Variants in INPP5A observed in about 807,000 individuals in gnomAD.
INPP5A encodes the protein inositol polyphosphate-5-phosphatase A, also known as 43 kDa inositol polyphosphate 5-phophatase.
INPP5A carries 14 observed loss-of-function variants against 65.2 expected under a neutral mutation model. That is an observed-to-expected ratio of 0.21 (90% CI 0.14 to 0.34). The LOEUF is 0.34. Ranked by LOEUF, INPP5A falls within the 10% of genes least tolerant of loss-of-function variation. The pLI, the probability that INPP5A is intolerant of heterozygous loss-of-function variation, is 1.00. For missense variants in INPP5A, 431 were observed against 545.6 expected, an observed-to-expected ratio of 0.79 and a Z score of 2.09; for synonymous variants, 207 against 208.3, an observed-to-expected ratio of 0.99 and a Z score of 0.05.
At chr10:132,594,130 G>T (rs2071653196) in intron 1 of INPP5A, among the ~76,000 whole-genome samples, 1 of 152,142 alleles carries the variant, frequency 6.6e-6, no homozygotes. Context: ...TTGCACATAC[G>T]CTGTCTTCAT....
chr10:132,753,613 C>G lies in INPP5A; in HGVS notation c.903+3768C>G, dbSNP rs1846536574. Among the ~76,000 whole-genome samples the G allele has an allele frequency of 6.6e-6, 1 of 152,106 alleles. No homozygotes were observed. The highest frequency in any genetic ancestry group is 2.4e-5 in the African/African-American group (1 of 41,436). ...TGTCAGGGCTGCAGGATGGAGTGCC[C>G]TGGTGAGGATTTGGAGAGATTAAAT... On this transcript the variant is annotated intron_variant, in intron 11 of 15. Coordinates refer to ENST00000368594, the MANE Select transcript of INPP5A (RefSeq NM_005539.5). The surrounding 1 kb of genome is among the most constrained non-coding windows in gnomAD (Gnocchi z 5.3).
chr10:132,598,112 A>C (rs1370246960), intron 1 of INPP5A, among the ~76,000 whole-genome samples: 2 of 152,200 alleles, frequency 1.3e-5, no homozygotes, highest in Non-Finnish European at 2.9e-5. Flanking sequence ...TAGGGTCAGA[A>C]CTTTCTCTTT....
intron 1 of INPP5A, among the ~76,000 whole-genome samples, chr10:132,552,091 T>G (rs2071059276): frequency 6.6e-6 from 1 of 152,170 alleles, no homozygotes; most frequent in South Asian, 2.1e-4. Context: ...AGAGCCTTGG[T>G]GAAGTTGGAG....
At position 132,616,621 on chromosome 10, in the gene INPP5A, T is replaced by C. The variant is rs1255403730; in HGVS notation, c.117+8665T>C. The stretch of plus-strand genomic sequence containing the variant: ...GGATGTGGTTTTGGGGTTGCAGTGG[T>C]GACATGGGACATGGTAGTGACATGG... On this transcript the variant is annotated intron_variant, in intron 2 of 15. Coordinates refer to ENST00000368594, the MANE Select transcript of INPP5A (RefSeq NM_005539.5). The surrounding 1 kb of genome is among the most constrained non-coding windows in gnomAD (Gnocchi z 4.9). Among the ~76,000 whole-genome samples, 1 of 151,606 alleles carries C rather than the reference T, an allele frequency of 6.6e-6. No individual in the cohort carries two copies. The highest frequency in any genetic ancestry group is 6.6e-5 in the Admixed American group (1 of 15,234).
At chr10:132,664,940 G>T (rs1230239060) in intron 4 of INPP5A, among the ~76,000 whole-genome samples, 1 of 152,208 alleles carries the variant, frequency 6.6e-6, no homozygotes, top group Non-Finnish European at 1.5e-5. Flanking sequence ...ATGTAGGCTT[G>T]TTGGGGTGGC....
chr10:132,634,587 G>A (rs2072317138), intron 2 of INPP5A, among the ~76,000 whole-genome samples: 2 of 152,260 alleles, frequency 1.3e-5, no homozygotes, highest in Admixed American at 1.3e-4. Context: ...TGAGTGCCAA[G>A]GGAGGGCGCT....
chr10:132,565,771 G>A (rs1044627650), intron 1 of INPP5A, among the ~76,000 whole-genome samples: 5 of 151,674 alleles, frequency 3.3e-5, no homozygotes, highest in Admixed American at 2.0e-4. Context: ...CCGTGCATGT[G>A]TGTATGTGAA....
chr10:132,667,455 T>C (rs960406849), intron 4 of INPP5A, among the ~76,000 whole-genome samples: 1 of 152,196 alleles, frequency 6.6e-6, no homozygotes, highest in Non-Finnish European at 1.5e-5. Flanking sequence ...ATTTATCAAA[T>C]TGCGTTATCC....
At chr10:132,634,078 G>C (rs2072307044) in intron 2 of INPP5A, among the ~76,000 whole-genome samples, 1 of 152,252 alleles carries the variant, frequency 6.6e-6, no homozygotes, top group African/African-American at 2.4e-5. Context: ...AAGATGATCA[G>C]TAATTCCAAC....
In INPP5A at chr10:132,753,506, T is replaced by C. The variant is rs952245378; in HGVS notation, c.903+3661T>C. On this transcript the variant is annotated intron_variant, in intron 11 of 15. Coordinates refer to ENST00000368594, the MANE Select transcript of INPP5A (RefSeq NM_005539.5). The surrounding 1 kb of genome is among the most constrained non-coding windows in gnomAD (Gnocchi z 5.3). ...GCCGGGACATGATTGAATGTGTCCA[T>C]GCCTATTGACTTTTTCTATGATTTA... is the stretch of plus-strand genomic sequence containing the variant. 6.6e-6 allele frequency among the ~76,000 whole-genome samples: 1 copy of C among 152,218 alleles called. No homozygotes were observed. The highest frequency in any genetic ancestry group is 2.4e-5 in the African/African-American group (1 of 41,454).
chr10:132,545,651 T>C lies in INPP5A; in HGVS notation c.75+7480T>C, dbSNP rs2133245753. On this transcript the variant is annotated intron_variant, in intron 1 of 15. Coordinates refer to ENST00000368594, the MANE Select transcript of INPP5A (RefSeq NM_005539.5). This position sits in a 1 kb window ranked among gnomAD's most constrained non-coding sequence, Gnocchi z 4.6. ...TGTTCCCATGCGGACCTGAAAGTGC[T>C]GTCAAGTTCCCCCTTCCTTTGCTCG... is the stretch of plus-strand genomic sequence containing the variant. 6.6e-6 allele frequency among the ~76,000 whole-genome samples: 1 copy of C among 152,374 alleles called. No individual in the cohort carries two copies. The highest frequency in any genetic ancestry group is 2.1e-4 in the South Asian group (1 of 4,832).
At chr10:132,567,421 C>T (rs1225854395) in intron 1 of INPP5A, among the ~76,000 whole-genome samples, 1 of 152,220 alleles carries the variant, frequency 6.6e-6, no homozygotes, top group Non-Finnish European at 1.5e-5. Flanking sequence ...GCTGGGATTA[C>T]AGGTGTGAGC....
chr10:132,647,437 C>G (rs1448871673), intron 3 of INPP5A, among the ~76,000 whole-genome samples: 1 of 152,136 alleles, frequency 6.6e-6, no homozygotes, highest in Non-Finnish European at 1.5e-5. Context: ...CAGTTTTAAT[C>G]AAAATCTTAG....
At chr10:132,740,485 C>T (rs1209456833) in intron 9 of INPP5A, among the ~76,000 whole-genome samples, 1 of 152,160 alleles carries the variant, frequency 6.6e-6, no homozygotes, top group African/African-American at 2.4e-5. Flanking sequence ...TTATTTGTAG[C>T]ATAGAAAATG....
At chr10:132,544,903 G>C (rs995185745) in intron 1 of INPP5A, among the ~76,000 whole-genome samples, 1 of 151,692 alleles carries the variant, frequency 6.6e-6, no homozygotes, top group South Asian at 2.1e-4. Context: ...GCTGAGGAGA[G>C]AGTTTAGATC....
intron 1 of INPP5A, among the ~76,000 whole-genome samples, chr10:132,563,676 GAGAAA>G: frequency 6.6e-6 from 1 of 152,054 alleles, no homozygotes; most frequent in Middle Eastern, 3.4e-3. Context: ...AAAGGAAAGA[GAGAAA>G]GGAAAGGAAA....
chr10:132,626,212 T>C (rs1283625644), intron 2 of INPP5A, among the ~76,000 whole-genome samples: 1 of 152,248 alleles, frequency 6.6e-6, no homozygotes, highest in Non-Finnish European at 1.5e-5. Context: ...TCCTGGATCC[T>C]GCTGTGTGGG....
intron 2 of INPP5A, among the ~76,000 whole-genome samples, chr10:132,643,078 G>A (rs1377126313): frequency 6.6e-6 from 1 of 152,132 alleles, no homozygotes; most frequent in African/African-American, 2.4e-5. Context: ...TTAAAATTTA[G>A]TTTCAAATAC....
intron 4 of INPP5A, among the ~76,000 whole-genome samples, chr10:132,688,173 G>A (rs1845172775): frequency 6.6e-6 from 1 of 152,200 alleles, no homozygotes; most frequent in Non-Finnish European, 1.5e-5. Flanking sequence ...GGGGCCCAGG[G>A]GGCTGCAGAC....
Sources: allele counts gnomAD v4.1 joint callset (sites outside exome capture counted in the v4.1 genomes callset), GRCh38; gene constraint gnomAD v4.1.1; non-coding constraint Gnocchi (gnomAD v3.1); transcripts MANE v1.5; gene names NCBI Gene and HGNC (gene_info 2026-07-23, HGNC 2026-07-21).